The following CAMTA1 variants were observed in gnomAD, a reference collection of about 807,000 sequenced individuals.
CAMTA1 encodes calmodulin binding transcription activator 1, also known as calmodulin-binding transcription activator 1.
CAMTA1 carries 27 observed loss-of-function variants against 170.9 expected under a neutral mutation model. The observed-to-expected ratio is 0.16, with a 90% CI of 0.12 to 0.22. CAMTA1 has a LOEUF of 0.22. CAMTA1 is among the 10% of genes least tolerant of loss of function. The pLI, the probability that CAMTA1 is intolerant of heterozygous loss-of-function variation, is 1.00. For missense variants in CAMTA1, 1,619 were observed against 2,217.2 expected (o/e 0.73, Z 5.42); for synonymous variants, 833 against 891.5 (o/e 0.93, Z 1.17).
intron 5 of CAMTA1, among the ~76,000 whole-genome samples, chr1:7,331,122 C>A (rs1032823860): frequency 5.9e-5 from 9 of 152,188 alleles, no homozygotes; most frequent in African/African-American, 2.2e-4. Context: ...CACCTGTAAT[C>A]CCAGCTACTC....
In CAMTA1 at chr1:6,884,329, C is replaced by G. The variant is rs982432283; in HGVS notation, c.234+59119C>G. On this transcript the variant is annotated intron_variant, in intron 3 of 22. Coordinates refer to ENST00000303635, the MANE Select transcript of CAMTA1 (RefSeq NM_015215.4). The stretch of plus-strand genomic sequence containing the variant: ...ACACACACACACACACACACACACA[C>G]ACACACAATTTTGTTTGGCTTTGAT... Among the ~76,000 whole-genome samples, 7 of 142,754 alleles carry G rather than the reference C, an allele frequency of 4.9e-5. 1 individual carries two copies. The highest frequency in any genetic ancestry group is 1.5e-5 in the Non-Finnish European group (1 of 64,586). The allele number at this position is 142,754 out of a possible 152,430, so 93.7% of individuals were successfully genotyped here.
intron 3 of CAMTA1, among the ~76,000 whole-genome samples, chr1:7,063,000 C>T (rs1035012496): frequency 8.5e-5 from 13 of 152,238 alleles, no homozygotes; most frequent in Non-Finnish European, 1.2e-4. Context: ...CATCGCAAAG[C>T]TCCTATTTCC....
chr1:7,603,651 G>A (rs1276776524), intron 6 of CAMTA1, among the ~76,000 whole-genome samples: 1 of 152,160 alleles, frequency 6.6e-6, no homozygotes, highest in Non-Finnish European at 1.5e-5. Context: ...GCCAGTCTGT[G>A]TCTTTTAATT....
chr1:6,962,510 C>T (rs1011408560), intron 3 of CAMTA1, among the ~76,000 whole-genome samples: 4 of 149,804 alleles, frequency 2.7e-5, no homozygotes, highest in Admixed American at 6.7e-5. Context: ...TATCCCGTTT[C>T]CTTTATGGAC....
chr1:7,392,258 C>CTTTTT (rs3034862), intron 5 of CAMTA1, among the ~76,000 whole-genome samples: 8 of 135,910 alleles, frequency 5.9e-5, no homozygotes, highest in South Asian at 4.9e-4. Flanking sequence ...AGACCCCCAT[C>CTTTTT]TTTTTTTTTT....
Position 7,058,303 on chromosome 1 carries a change from C to T in CAMTA1, c.235-33001C>T, listed in dbSNP as rs539121169. 9.2e-4 allele frequency among the ~76,000 whole-genome samples: 140 copies of T among 152,180 alleles called. 1 individual carries two copies. The highest frequency in any genetic ancestry group is 1.4e-3 in the Non-Finnish European group (97 of 68,034). On this transcript the variant is annotated intron_variant, in intron 3 of 22. Transcript: ENST00000303635. Reference sequence around the variant, plus strand: ...TTACACTCAGGATGTATTCCTTGGTCAGAGATGGGAGACGGTTTTCTCATT... The same window carrying T: ...TTACACTCAGGATGTATTCCTTGGTTAGAGATGGGAGACGGTTTTCTCATT...
At chr1:7,589,287 G>C (rs2095336650) in intron 6 of CAMTA1, among the ~76,000 whole-genome samples, 1 of 152,192 alleles carries the variant, frequency 6.6e-6, no homozygotes, top group Admixed American at 6.5e-5. Flanking sequence ...GTAGGGGTGG[G>C]TGTTGCCCTC....
intron 3 of CAMTA1, among the ~76,000 whole-genome samples, chr1:7,071,673 T>C (rs756680923): frequency 1.4e-4 from 22 of 152,212 alleles, no homozygotes; most frequent in Admixed American, 6.5e-5. Flanking sequence ...TAAACACAAA[T>C]GTTATAGATT....
chr1:7,593,798 C>A (rs925949920), intron 6 of CAMTA1, among the ~76,000 whole-genome samples: 1 of 149,100 alleles, frequency 6.7e-6, no homozygotes, highest in African/African-American at 2.5e-5. Flanking sequence ...GCCCCTAACA[C>A]TAGGAGGCCA....
intron 6 of CAMTA1, among the ~76,000 whole-genome samples, chr1:7,549,962 G>A (rs1385131842): frequency 6.6e-6 from 1 of 152,052 alleles, no homozygotes; most frequent in Admixed American, 6.5e-5. Context: ...CAGAGGTTAG[G>A]GGCTCTGGTG....
rs553082527 is a variant in CAMTA1 at position 7,601,109 on chromosome 1, G to C, written c.511-39291G>C. The stretch of plus-strand genomic sequence containing the variant: ...CGGAAGGGGCGGCTGGCCGGGCCGG[G>C]GGCTGACCCCCCCACCTCCCTCCCG... On this transcript the variant is annotated intron_variant, in intron 6 of 22. Transcript: ENST00000303635. Among the ~76,000 whole-genome samples, 1,146 of 150,364 alleles carry C rather than the reference G, an allele frequency of 7.6e-3. 11 individuals are homozygous for C. The highest frequency in any genetic ancestry group is 0.027 in the African/African-American group (1,096 of 40,930).
intron 3 of CAMTA1, among the ~76,000 whole-genome samples, chr1:7,054,488 G>T (rs1267027354): frequency 6.6e-6 from 1 of 152,318 alleles, no homozygotes; most frequent in East Asian, 1.9e-4. Context: ...GCTAATGGGG[G>T]TTCAGCAGCA....
intron 1 of CAMTA1, among the ~76,000 whole-genome samples, chr1:6,791,242 T>C (rs1290385599): frequency 6.8e-6 from 1 of 148,146 alleles, no homozygotes. Flanking sequence ...GTCATTATTA[T>C]AAAAAAGTGT....
At chr1:6,923,312 T>C (rs1356113020) in intron 3 of CAMTA1, among the ~76,000 whole-genome samples, 1 of 152,196 alleles carries the variant, frequency 6.6e-6, no homozygotes, top group Non-Finnish European at 1.5e-5. Flanking sequence ...GGGTCATCCC[T>C]GTGCCATCTG....
chr1:7,559,600 T>G (rs1159464840), intron 6 of CAMTA1, among the ~76,000 whole-genome samples: 1 of 152,094 alleles, frequency 6.6e-6, no homozygotes, highest in Non-Finnish European at 1.5e-5. Flanking sequence ...TGCCACGGTT[T>G]GGGGAGGTGT....
chr1:6,944,598 C>A (rs866567973), intron 3 of CAMTA1, among the ~76,000 whole-genome samples: 2 of 152,184 alleles, frequency 1.3e-5, no homozygotes, highest in South Asian at 2.1e-4. Flanking sequence ...CCTCCACCAC[C>A]CTCCAGTGTT....
chr1:7,601,116 C>T (rs1297339425), intron 6 of CAMTA1, among the ~76,000 whole-genome samples: 2 of 145,788 alleles, frequency 1.4e-5, no homozygotes, highest in Admixed American at 6.7e-5. Flanking sequence ...CGGGGGCTGA[C>T]CCCCCCACCT....
chr1:6,873,796 A>G (rs1298906251), intron 3 of CAMTA1, among the ~76,000 whole-genome samples: 2 of 152,198 alleles, frequency 1.3e-5, no homozygotes, highest in Non-Finnish European at 2.9e-5. Context: ...TTTGGTTAGC[A>G]TTTAGGACAT....
intron 5 of CAMTA1, among the ~76,000 whole-genome samples, chr1:7,390,809 C>T (rs929034873): frequency 2.6e-5 from 4 of 152,246 alleles, no homozygotes; most frequent in Non-Finnish European, 5.9e-5. Flanking sequence ...CTCTGCACCG[C>T]CCGCCAGGTG....
Sources: gnomAD v4.1 joint callset for allele counts (sites outside exome capture counted in the v4.1 genomes callset) on GRCh38, gnomAD v4.1.1 for gene constraint, MANE v1.5 for transcripts, NCBI Gene and HGNC (gene_info 2026-07-23, HGNC 2026-07-21) for gene names.